The following ARHGAP24 variants were observed in gnomAD, a reference collection of about 807,000 sequenced individuals.
The protein encoded by ARHGAP24 is rho GTPase-activating protein 24.
ARHGAP24 carries 50 observed loss-of-function variants against 76.4 expected under a neutral mutation model. The ratio of observed to expected loss-of-function variants is 0.65; its 90% confidence interval spans 0.52 to 0.83. The LOEUF is 0.83. ARHGAP24 is among the 40% of genes least tolerant of loss of function. The pLI, the probability that ARHGAP24 is intolerant of heterozygous loss-of-function variation, is 0.00. For missense variants in ARHGAP24, 930 were observed against 914.2 expected (o/e 1.02, Z -0.22); for synonymous variants, 345 against 323.3 (o/e 1.07, Z -0.72).
At chr4:85,799,038 T>G (rs1728475472) in intron 3 of ARHGAP24, among the ~76,000 whole-genome samples, 1 of 152,142 alleles carries the variant, frequency 6.6e-6, no homozygotes, top group African/African-American at 2.4e-5. Context: ...GTCAGAGATA[T>G]TAACATGGAA....
At chr4:85,835,656 C>A (rs1578277087) in intron 3 of ARHGAP24, among the ~76,000 whole-genome samples, 1 of 151,414 alleles carries the variant, frequency 6.6e-6, no homozygotes, top group African/African-American at 2.4e-5. Flanking sequence ...GGATGTGAAG[C>A]GATAGAATGT....
chr4:85,764,634 GT>G (rs200336908), intron 3 of ARHGAP24, among the ~76,000 whole-genome samples: 1 of 150,638 alleles, frequency 6.6e-6, no homozygotes, highest in African/African-American at 2.4e-5. Flanking sequence ...CAGAGTAATT[GT>G]TTTTTTTTAC....
intron 3 of ARHGAP24, among the ~76,000 whole-genome samples, chr4:85,789,482 G>A (rs1379641683): frequency 6.6e-6 from 1 of 151,986 alleles, no homozygotes; most frequent in South Asian, 2.1e-4. Context: ...CGAGCACTGG[G>A]AATTAGATAG....
chr4:85,938,875 A>G (rs1736802326), intron 4 of ARHGAP24, among the ~76,000 whole-genome samples: 1 of 151,388 alleles, frequency 6.6e-6, no homozygotes, highest in Admixed American at 6.6e-5. Context: ...ATATTTTCTC[A>G]GCACAAATTA....
chr4:85,963,845 ATTTT>A (rs1257267681), intron 5 of ARHGAP24, among the ~76,000 whole-genome samples: 7 of 152,024 alleles, frequency 4.6e-5, no homozygotes, highest in African/African-American at 1.7e-4. Flanking sequence ...ACAACAATTC[ATTTT>A]GTTTGTTATT....
At chr4:85,505,744 T>C (rs1321202660) in intron 1 of ARHGAP24, among the ~76,000 whole-genome samples, 1 of 152,094 alleles carries the variant, frequency 6.6e-6, no homozygotes, top group Non-Finnish European at 1.5e-5. Context: ...TCAAAGTCAT[T>C]CTCCATCCAG....
chr4:85,493,984 G>A (rs1193225127), intron 1 of ARHGAP24, among the ~76,000 whole-genome samples: 1 of 151,968 alleles, frequency 6.6e-6, no homozygotes, highest in Non-Finnish European at 1.5e-5. Context: ...GAAAAATTTT[G>A]TGCTTTGACC....
intron 5 of ARHGAP24, among the ~76,000 whole-genome samples, chr4:85,965,869 A>G (rs184905071): frequency 2.0e-3 from 309 of 152,264 alleles, no homozygotes; most frequent in Admixed American, 6.0e-3. Flanking sequence ...TTTTGCAATA[A>G]CATTTCATTA....
intron 3 of ARHGAP24, among the ~76,000 whole-genome samples, chr4:85,838,848 C>T (rs908276503): frequency 1.4e-4 from 22 of 152,092 alleles, no homozygotes; most frequent in Non-Finnish European, 2.8e-4. Flanking sequence ...GTTCTTCATT[C>T]GCATGGAGGG....
chr4:85,538,660 G>C (rs1725566612), intron 1 of ARHGAP24, among the ~76,000 whole-genome samples: 1 of 152,112 alleles, frequency 6.6e-6, no homozygotes, highest in Non-Finnish European at 1.5e-5. Flanking sequence ...ATGACTCATT[G>C]ACTTTGAGAA....
At chr4:85,955,721 C>G (rs1403384241) in intron 5 of ARHGAP24, among the ~76,000 whole-genome samples, 6 of 152,170 alleles carry the variant, frequency 3.9e-5, no homozygotes, top group Non-Finnish European at 8.8e-5. Context: ...TGATGTAACT[C>G]TGTTTCTTAT....
chr4:85,542,819 G>C (rs948100288), intron 1 of ARHGAP24, among the ~76,000 whole-genome samples: 1 of 152,120 alleles, frequency 6.6e-6, no homozygotes, highest in Non-Finnish European at 1.5e-5. Flanking sequence ...TTGAATTCTG[G>C]TTCTATTCTT....
At chr4:85,731,027 C>CACACACACACAG (rs1363838234) in intron 3 of ARHGAP24, among the ~76,000 whole-genome samples, 13 of 80,544 alleles carry the variant, frequency 1.6e-4, no homozygotes, top group African/African-American at 5.5e-4. Context: ...CACACACACA[C>CACACACACACAG]AGAGAGAGAG....
At chr4:85,718,954 A>G (rs1365261501) in intron 2 of ARHGAP24, among the ~76,000 whole-genome samples, 8 of 152,180 alleles carry the variant, frequency 5.3e-5, no homozygotes, top group Non-Finnish European at 1.2e-4. Flanking sequence ...CACATGTACA[A>G]TTCAAGATCT....
chr4:85,631,593 C>T (rs1230279447), intron 2 of ARHGAP24, among the ~76,000 whole-genome samples: 4 of 152,050 alleles, frequency 2.6e-5, no homozygotes, highest in East Asian at 1.9e-4. Flanking sequence ...GTAATCCCCA[C>T]GTTTTAAATA....
intron 8 of ARHGAP24, among the ~76,000 whole-genome samples, chr4:85,984,563 T>G (rs1739869785): frequency 6.6e-6 from 1 of 152,140 alleles, no homozygotes; most frequent in Non-Finnish European, 1.5e-5. Context: ...GGGGTTAGGA[T>G]TTCAAAATAT....
In ARHGAP24 at chr4:85,712,336, G is replaced by A. The variant is rs539200370; in HGVS notation, c.181-9549G>A. On this transcript the variant is annotated intron_variant, in intron 2 of 9. Transcript: ENST00000395184. ...AAAATGATTGACTAATTAACTGTTA[G>A]GACCATTTACCAGCATTTGAGTGTT... Among the ~76,000 whole-genome samples, 19 of 152,176 alleles carry A rather than the reference G, an allele frequency of 1.2e-4. No individual in the cohort carries two copies. In the East Asian group the frequency reaches 3.5e-3, roughly 28 times the overall value.
intron 3 of ARHGAP24, among the ~76,000 whole-genome samples, chr4:85,836,887 A>C (rs1045969564): frequency 6.6e-6 from 1 of 152,222 alleles, no homozygotes; most frequent in East Asian, 1.9e-4. Context: ...ATTTTAACCT[A>C]GATCCCCAGA....
At chr4:85,885,134 G>A (rs974216319) in intron 3 of ARHGAP24, among the ~76,000 whole-genome samples, 7 of 152,182 alleles carry the variant, frequency 4.6e-5, no homozygotes, top group African/African-American at 1.2e-4. Context: ...TATTTTAGGA[G>A]GGCATTTTAG....
Sources: gnomAD v4.1 joint callset for allele counts (sites outside exome capture counted in the v4.1 genomes callset) on GRCh38, gnomAD v4.1.1 for gene constraint, MANE v1.5 for transcripts, NCBI Gene and HGNC (gene_info 2026-07-23, HGNC 2026-07-21) for gene names.